The following GATAD2A variants were observed in gnomAD, a reference collection of about 807,000 sequenced individuals.
GATAD2A encodes GATA zinc finger domain containing 2A, also known as transcriptional repressor p66-alpha.
GATAD2A carries 12 observed loss-of-function variants against 68.5 expected under a neutral mutation model. The observed-to-expected ratio is 0.18, with a 90% CI of 0.11 to 0.28. GATAD2A has a LOEUF of 0.28. Among genes scored for constraint, GATAD2A ranks in the 10% least tolerant of loss-of-function variants. The pLI, the probability that GATAD2A is intolerant of heterozygous loss-of-function variation, is 1.00. For synonymous variants in GATAD2A, 410 were observed against 375.3 expected (o/e 1.09, Z -1.07); for missense variants, 755 against 868.5 (o/e 0.87, Z 1.64).
chr19:19,495,731 C>G, intron 5 of GATAD2A, 23 bp from the exon 6 acceptor site: 2 of 1,584,840 alleles, frequency 1.3e-6, no homozygotes, highest in Non-Finnish European at 1.7e-6. Context: ...CCATGTAAAT[C>G]TGGGTCTTGG....
At position 19,506,210 on chromosome 19, in the gene GATAD2A, G is replaced by A. The variant is rs775052146; in HGVS notation, c.*736G>A. ...GAACGCCTCCATTGCTGCTTGTTCT[G>A]GAGACCCCCGCCCCCGCACCTTCCA... is the stretch of plus-strand genomic sequence containing the variant. On this transcript the variant is annotated 3_prime_UTR_variant, in exon 12 of 12. Coordinates refer to ENST00000683918, the MANE Select transcript of GATAD2A (RefSeq NM_001384528.1). 1.2e-4 allele frequency: 47 copies of A among 398,514 alleles called. No individual in the cohort carries two copies. The highest frequency in any genetic ancestry group is 1.9e-4 in the Non-Finnish European group (43 of 225,916). The allele number at this position is 398,514 out of a possible 1,614,324, so 24.7% of individuals were successfully genotyped here. A position where few individuals can be genotyped will look rare whatever the true frequency, so the allele number is the denominator to read the frequency against.
intron 1 of GATAD2A, among the ~76,000 whole-genome samples, chr19:19,431,831 C>T (rs925636187): frequency 4.6e-5 from 7 of 151,932 alleles, no homozygotes; most frequent in Non-Finnish European, 8.8e-5. Flanking sequence ...GAAAGTTCAT[C>T]GGCAACACAG....
rs1169784079 is a variant in GATAD2A, at chr19:19,507,662, A to C, written c.*2188A>C. ...GCTGTCAACCCATCCTTGTGAGTTCATATGGACTGCTGCCCCTCGAAAGGG... is the reference window on the plus strand; with the variant it reads ...GCTGTCAACCCATCCTTGTGAGTTCCTATGGACTGCTGCCCCTCGAAAGGG... On this transcript the variant is annotated 3_prime_UTR_variant, in exon 12 of 12. Transcript: ENST00000683918. 1 of 152,220 alleles carries C rather than the reference A, an allele frequency of 6.6e-6. No individual in the cohort carries two copies. Among genetic ancestry groups the C allele is most frequent in the East Asian group, 1.9e-4 (1 of 5,192 alleles). The allele number at this position is 152,220 out of a possible 1,614,324, so 9.4% of individuals were successfully genotyped here.
At chr19:19,475,878 G>A (rs1418233209) in intron 2 of GATAD2A, among the ~76,000 whole-genome samples, 7 of 152,050 alleles carry the variant, frequency 4.6e-5, no homozygotes, top group African/African-American at 9.7e-5. Flanking sequence ...TCTAAGAATC[G>A]TTAGATTATA....
intron 1 of GATAD2A, among the ~76,000 whole-genome samples, chr19:19,399,634 C>T (rs1348823333): frequency 2.0e-5 from 3 of 151,962 alleles, no homozygotes; most frequent in Admixed American, 1.3e-4. Flanking sequence ...AGATATAGAC[C>T]TGATTACGTG....
chr19:19,421,858 G>A (rs1263124242), intron 1 of GATAD2A, among the ~76,000 whole-genome samples: 2 of 150,254 alleles, frequency 1.3e-5, no homozygotes, highest in East Asian at 3.9e-4. Flanking sequence ...TCACTCTGTT[G>A]CCCAGGCTGG....
intron 9 of GATAD2A, 83 bp downstream of exon 9, chr19:19,501,499 C>T: frequency 9.2e-7 from 1 of 1,086,110 alleles, no homozygotes; most frequent in East Asian, 2.6e-5. Flanking sequence ...CGCTGCACCG[C>T]CTGATTGTTA....
At chr19:19,498,743 CG>C (rs761904159) in intron 8 of GATAD2A, 21 bp downstream of exon 8, 15 of 1,585,308 alleles carry the variant, frequency 9.5e-6, no homozygotes, top group African/African-American at 2.7e-5. Context: ...TGGACCCAGC[CG>C]GGCTGCTTCC....
rs543912195 is a variant in GATAD2A at position 19,503,079 on chromosome 19, C to T, written c.1774+553C>T. 5.9e-5 allele frequency among the ~76,000 whole-genome samples: 9 copies of T among 152,136 alleles called. No individual in the cohort carries two copies. In the South Asian group the frequency reaches 8.3e-4, roughly 14 times the overall value. ...GGTGAAGGTCCTCCAGTGGGCTCTC[C>T]GGAGTCAGGTGCGGCCCCACCGTCC... is the stretch of plus-strand genomic sequence containing the variant. On this transcript the variant is annotated intron_variant, in intron 11 of 11. Coordinates refer to ENST00000683918, the MANE Select transcript of GATAD2A (RefSeq NM_001384528.1).
chr19:19,505,973 A>T lies in GATAD2A; in HGVS notation c.*499A>T, dbSNP rs1873602547. The T allele has an allele frequency of 1.1e-5, 4 of 374,698 alleles. No homozygotes were observed. Among genetic ancestry groups the T allele is most frequent in the South Asian group, 1.4e-4 (1 of 7,358 alleles). The allele number at this position is 374,698 out of a possible 1,614,324, so 23.2% of individuals were successfully genotyped here. On this transcript the variant is annotated 3_prime_UTR_variant, in exon 12 of 12. Coordinates refer to ENST00000683918, the MANE Select transcript of GATAD2A (RefSeq NM_001384528.1). ...CCCATGGCGATCTATAAGTTGAAAGATTTTTTTTTTTTTTAATCACCTCAT... is the reference window on the plus strand; with the variant it reads ...CCCATGGCGATCTATAAGTTGAAAGTTTTTTTTTTTTTTTAATCACCTCAT...
chr19:19,415,426 A>T (rs561137032), intron 1 of GATAD2A, among the ~76,000 whole-genome samples: 75 of 150,066 alleles, frequency 5.0e-4, no homozygotes, highest in Admixed American at 3.5e-3. Context: ...AAGCCCTGGG[A>T]TTACAGACGT....
At chr19:19,503,598 C>T (rs764992514) in intron 11 of GATAD2A, among the ~76,000 whole-genome samples, 5 of 151,098 alleles carry the variant, frequency 3.3e-5, no homozygotes, top group East Asian at 1.9e-4. Context: ...AAGTAGAAGT[C>T]GATAAGTGTG....
chr19:19,444,596 A>T (rs767796535), intron 1 of GATAD2A, among the ~76,000 whole-genome samples: 1 of 152,118 alleles, frequency 6.6e-6, no homozygotes, highest in Non-Finnish European at 1.5e-5. Flanking sequence ...GTGTAAAACC[A>T]CCGTGTATGA....
At chr19:19,436,169 A>T in intron 1 of GATAD2A, 1 of 1,366,348 alleles carries the variant, frequency 7.3e-7, no homozygotes, top group Middle Eastern at 2.1e-4. Flanking sequence ...TTTTGATGTC[A>T]CTGTGGCCAT....
At chr19:19,467,435 G>A (rs2057959748) in intron 2 of GATAD2A, among the ~76,000 whole-genome samples, 1 of 152,148 alleles carries the variant, frequency 6.6e-6, no homozygotes, top group Admixed American at 6.5e-5. Context: ...TGCTGCCACT[G>A]TCTTCCAAGG....
chr19:19,493,181 C>G (rs868560732), intron 4 of GATAD2A, among the ~76,000 whole-genome samples: 2 of 152,180 alleles, frequency 1.3e-5, no homozygotes, highest in South Asian at 2.1e-4. Flanking sequence ...CCTCGTGATC[C>G]GCCCACACGG....
upstream of GATAD2A, among the ~76,000 whole-genome samples, chr19:19,403,257 G>T (rs183673906): frequency 1.4e-4 from 22 of 152,258 alleles, no homozygotes; most frequent in African/African-American, 5.1e-4. Context: ...ACTGGGCACT[G>T]AGGCTAAAAG....
intron 1 of GATAD2A, among the ~76,000 whole-genome samples, chr19:19,409,145 C>G (rs891944779): frequency 6.6e-6 from 1 of 150,920 alleles, no homozygotes; most frequent in African/African-American, 2.4e-5. Flanking sequence ...TGTTTAAGGA[C>G]CATCATTAGC....
intron 7 of GATAD2A, among the ~76,000 whole-genome samples, chr19:19,496,725 C>T (rs2060177930): frequency 6.6e-6 from 1 of 152,232 alleles, no homozygotes. Flanking sequence ...TGTACAGAGC[C>T]TCTCAGATGG....
Sources: gnomAD v4.1 joint callset for allele counts (sites outside exome capture counted in the v4.1 genomes callset) on GRCh38, gnomAD v4.1.1 for gene constraint, MANE v1.5 for transcripts, NCBI Gene and HGNC (gene_info 2026-07-23, HGNC 2026-07-21) for gene names.